WTIP: variants seen among roughly 807,000 people sequenced by gnomAD.
The protein encoded by WTIP is WT1 interacting protein, also known as Wilms tumor protein 1-interacting protein.
A neutral mutation model predicts 41.7 loss-of-function variants in WTIP; 23 were observed. That is an observed-to-expected ratio of 0.55 (90% CI 0.40 to 0.78). The LOEUF is 0.78. WTIP is among the 30% of genes least tolerant of loss of function. The pLI is 0.00. For missense variants in WTIP, 619 were observed against 610.5 expected, an observed-to-expected ratio of 1.01 and a Z score of -0.15; for synonymous variants, 314 against 269.9, an observed-to-expected ratio of 1.16 and a Z score of -1.60.
chr19:34,503,004 C>G lies in WTIP; in HGVS notation c.*2735C>G, dbSNP rs1405056446. 2 of 152,410 alleles carry G rather than the reference C, an allele frequency of 1.3e-5. No homozygotes were observed. The highest frequency in any genetic ancestry group is 2.9e-5 in the Non-Finnish European group (2 of 68,186). The allele number at this position is 152,410 out of a possible 1,614,324, so 9.4% of individuals were successfully genotyped here. A position where few individuals can be genotyped will look rare whatever the true frequency, so the allele number is the denominator to read the frequency against. Reference sequence around the variant, plus strand: ...CTTCCTTTGCATGTGCCATGGTGGGCCCTGTGCTTATATCCATGGGGTTGC... The same window carrying G: ...CTTCCTTTGCATGTGCCATGGTGGGGCCTGTGCTTATATCCATGGGGTTGC... On this transcript the variant is annotated 3_prime_UTR_variant, in exon 8 of 8. Transcript: ENST00000590071.
Position 34,482,146 on chromosome 19 carries a change from G to A in WTIP, c.172G>A (p.Gly58Ser). Reference sequence around the variant, plus strand: ...GGGCCGCAGAGGGAAGGGCAGCGGCGGCCCCGAGGCCGGGGCGGACGGACT... The same window carrying A: ...GGGCCGCAGAGGGAAGGGCAGCGGCAGCCCCGAGGCCGGGGCGGACGGACT... Reference protein sequence around the residue: ...ALGRRGKGSGGPEAGADGLSR... With the variant: ...ALGRRGKGSGSPEAGADGLSR... The change falls in exon 1 of 8, where the codon GGC becomes AGC. Residue 58 changes from glycine to serine, a missense_variant. By Grantham distance (56) the Gly-to-Ser change is moderately conservative (BLOSUM62 0). This residue lies in a region of WTIP where 363 missense variants were observed against 309.0 expected (regional missense o/e 1.17). Coordinates refer to ENST00000590071, the MANE Select transcript of WTIP (RefSeq NM_001080436.2). 1 of 1,063,700 alleles carries A rather than the reference G, an allele frequency of 9.4e-7. No individual in the cohort carries two copies. The highest frequency in any genetic ancestry group is 1.1e-6 in the Non-Finnish European group (1 of 882,398). 65.9% of individuals were successfully genotyped at this position (1,063,700 alleles called of 1,614,324 possible).
intron 1 of WTIP, among the ~76,000 whole-genome samples, chr19:34,489,909 G>C (rs756962688): frequency 6.6e-6 from 1 of 152,268 alleles, no homozygotes; most frequent in East Asian, 1.9e-4. Context: ...ACTCCAGCCT[G>C]TGGGACAGAG....
chr19:34,493,483 C>T lies in WTIP; in HGVS notation c.901-9C>T, dbSNP rs368980723. The T allele has an allele frequency of 5.5e-5, 88 of 1,613,082 alleles. No homozygotes were observed. Among genetic ancestry groups the T allele is most frequent in the African/African-American group, 1.9e-4 (14 of 74,918 alleles). ...CCCGCGCTGACCCCTCAGTGTGCCCCGCCCACAGATCCTGCAGGCCCTGGG... is the reference window on the plus strand; with the variant it reads ...CCCGCGCTGACCCCTCAGTGTGCCCTGCCCACAGATCCTGCAGGCCCTGGG... On this transcript the variant is annotated splice_polypyrimidine_tract_variant and intron_variant, in intron 4 of 7. Coordinates refer to ENST00000590071, the MANE Select transcript of WTIP (RefSeq NM_001080436.2). The surrounding 1 kb of genome is among the most constrained non-coding windows in gnomAD (Gnocchi z 4.1).
intron 7 of WTIP, among the ~76,000 whole-genome samples, chr19:34,498,371 C>T (rs2075866727): frequency 6.6e-6 from 1 of 152,176 alleles, no homozygotes; most frequent in African/African-American, 2.4e-5. Flanking sequence ...TGGACACTTC[C>T]TTCCGGGCCC....
At chr19:34,494,497 G>A (rs2075842841) in intron 5 of WTIP, 89 bp from the exon 6 acceptor site, 9 of 1,325,622 alleles carry the variant, frequency 6.8e-6, no homozygotes, top group South Asian at 4.9e-5. Flanking sequence ...CTTGGGCTAC[G>A]TCAGTGGGTT....
At chr19:34,485,095 C>CT (rs1158950617) in intron 1 of WTIP, among the ~76,000 whole-genome samples, 2 of 151,834 alleles carry the variant, frequency 1.3e-5, no homozygotes, top group African/African-American at 2.4e-5. Flanking sequence ...TTTTTTTAAA[C>CT]TTTTTTGAGA....
In WTIP at chr19:34,493,656, C is replaced by T. The variant is rs370309189; in HGVS notation, c.1031+34C>T. 76 of 1,611,360 alleles carry T rather than the reference C, an allele frequency of 4.7e-5. No individual in the cohort carries two copies. In the African/African-American group the frequency reaches 8.1e-4, roughly 17 times the overall value. ...CTGGTGCTGTGGAGCAGGCGGGACT[C>T]GGGCCGTCCTCCCTGGCTCCTCTGG... On this transcript the variant is annotated intron_variant, in intron 5 of 7. Coordinates refer to ENST00000590071, the MANE Select transcript of WTIP (RefSeq NM_001080436.2). The surrounding 1 kb of genome is among the most constrained non-coding windows in gnomAD (Gnocchi z 4.1).
At chr19:34,500,033 C>T in intron 7 of WTIP, 96 bp from the exon 8 acceptor site, 2 of 1,504,012 alleles carry the variant, frequency 1.3e-6, no homozygotes, top group Middle Eastern at 2.0e-4. Context: ...CGGCACCCTG[C>T]AGATCTGCCC....
rs1032714585 is a variant in WTIP, at chr19:34,511,825, C to T, written c.*11556C>T. 3 of 152,274 alleles carry T rather than the reference C, an allele frequency of 2.0e-5. No individual in the cohort carries two copies. Among genetic ancestry groups the T allele is most frequent in the Non-Finnish European group, 2.9e-5 (2 of 68,020 alleles). 9.4% of individuals were successfully genotyped at this position (152,274 alleles called of 1,614,324 possible). ...GTGAGTTGCCTGTGAATGTCCTTTT[C>T]CCAGTTTACTAGTTTGGGATTGAAT... is the stretch of plus-strand genomic sequence containing the variant. On this transcript the variant is annotated 3_prime_UTR_variant, in exon 8 of 8. Transcript: ENST00000590071.
intron 1 of WTIP, among the ~76,000 whole-genome samples, chr19:34,485,082 T>G (rs1177717549): frequency 6.6e-6 from 1 of 152,166 alleles, no homozygotes; most frequent in East Asian, 1.9e-4. Context: ...TTTGTTTACT[T>G]TATTTTTTTA....
rs929791737 is a variant in WTIP at position 34,503,317 on chromosome 19, G to A, written c.*3048G>A. ...TTCCCTCCGTGGGAGCCACTCTCCCGGGGTTTCTTCCTCTATGAAGAAACC... is the reference window on the plus strand; with the variant it reads ...TTCCCTCCGTGGGAGCCACTCTCCCAGGGTTTCTTCCTCTATGAAGAAACC... On this transcript the variant is annotated 3_prime_UTR_variant, in exon 8 of 8. Coordinates refer to ENST00000590071, the MANE Select transcript of WTIP (RefSeq NM_001080436.2). The A allele has an allele frequency of 4.1e-5, 5 of 122,328 alleles. No homozygotes were observed. The highest frequency in any genetic ancestry group is 2.5e-4 in the South Asian group (1 of 4,078). 7.6% of individuals were successfully genotyped at this position (122,328 alleles called of 1,614,324 possible).
intron 1 of WTIP, among the ~76,000 whole-genome samples, chr19:34,483,605 G>C (rs768181785): frequency 2.6e-5 from 4 of 152,186 alleles, no homozygotes; most frequent in Non-Finnish European, 5.9e-5. Flanking sequence ...CTGTGCTGTG[G>C]ACATAGGATG....
intron 5 of WTIP, 22 bp from the exon 6 acceptor site, chr19:34,494,564 C>T: frequency 6.2e-7 from 1 of 1,612,836 alleles, no homozygotes; most frequent in Non-Finnish European, 8.5e-7. Context: ...CTGATCACTT[C>T]TGGTTTCCTT....
chr19:34,490,846 G>C (rs1044017127), intron 2 of WTIP, among the ~76,000 whole-genome samples: 11 of 152,230 alleles, frequency 7.2e-5, no homozygotes, highest in African/African-American at 1.9e-4. Context: ...TGTTGAGACA[G>C]AGTCTTAATC....
At chr19:34,486,120 A>AT (rs1568396779) in intron 1 of WTIP, among the ~76,000 whole-genome samples, 1 of 78,534 alleles carries the variant, frequency 1.3e-5, no homozygotes, top group East Asian at 5.8e-4. Flanking sequence ...CCAGGGCCAC[A>AT]CCGTTTTCCC....
chr19:34,491,335 T>A (rs979632348), intron 2 of WTIP, among the ~76,000 whole-genome samples: 22 of 112,972 alleles, frequency 1.9e-4, no homozygotes, highest in East Asian at 7.0e-4. Flanking sequence ...TAATTTTATA[T>A]TTTTTTTTTG....
At chr19:34,496,078 A>G (rs1568401491) in intron 7 of WTIP, among the ~76,000 whole-genome samples, 1 of 151,896 alleles carries the variant, frequency 6.6e-6, no homozygotes, top group African/African-American at 2.4e-5. Flanking sequence ...AATCGCTTGA[A>G]CCTGGGAGGC....
chr19:34,494,480 C>G (rs1316268510), intron 5 of WTIP, 106 bp from the exon 6 acceptor site: 1 of 1,068,074 alleles, frequency 9.4e-7, no homozygotes, highest in Non-Finnish European at 1.4e-6. Context: ...GGAGAGAGGG[C>G]CTGATACTTG....
chr19:34,493,591 A>G lies in WTIP; in HGVS notation c.1000A>G (p.Asn334Asp), dbSNP rs1172568584. 2 of 1,613,434 alleles carry G rather than the reference A, an allele frequency of 1.2e-6. No individual in the cohort carries two copies. Among genetic ancestry groups the G allele is most frequent in the East Asian group, 2.2e-5 (1 of 44,872 alleles). Residue 334 changes from asparagine to aspartate, a missense_variant, in exon 5 of 8, where the codon AAC becomes GAC. Around this residue, in one of 3 missense-constraint regions of WTIP, gnomAD observed 164 missense variants for 219.1 expected, o/e 0.75. Coordinates refer to ENST00000590071, the MANE Select transcript of WTIP (RefSeq NM_001080436.2). The surrounding 1 kb of genome is among the most constrained non-coding windows in gnomAD (Gnocchi z 4.1). ...GGTTCCCTTCACCGTGGACGTGGAG[A>G]ACAACATCTACTGCGTGCGAGACTA... ...DGVPFTVDVE[N>D]NIYCVRDYHT...
Sources: allele counts gnomAD v4.1 joint callset (sites outside exome capture counted in the v4.1 genomes callset), GRCh38; gene constraint gnomAD v4.1.1; regional missense constraint gnomAD v4.1.1; non-coding constraint Gnocchi (gnomAD v3.1); transcripts MANE v1.5; gene names NCBI Gene and HGNC (gene_info 2026-07-23, HGNC 2026-07-21).